The following PTPN11 variants were observed in gnomAD, a reference collection of about 807,000 sequenced individuals.
PTPN11 encodes the protein tyrosine-protein phosphatase non-receptor type 11.
PTPN11 carries 6 observed loss-of-function variants against 78.8 expected under a neutral mutation model. That is an observed-to-expected ratio of 0.08 (90% CI 0.04 to 0.15). The LOEUF (loss-of-function observed/expected upper bound fraction) is 0.15. Among genes scored for constraint, PTPN11 ranks in the 10% least tolerant of loss-of-function variants. The probability of loss-of-function intolerance (pLI) is 1.00; values close to 1 mark genes in which losing one functional copy is unlikely to be tolerated. For synonymous variants in PTPN11, 221 were observed against 263.5 expected (o/e 0.84, Z 1.56); for missense variants, 386 against 744.8 (o/e 0.52, Z 5.61).
At chr12:112,451,592 C>A (rs954463200) in intron 3 of PTPN11, among the ~76,000 whole-genome samples, 1 of 152,168 alleles carries the variant, frequency 6.6e-6, no homozygotes, top group African/African-American at 2.4e-5. Flanking sequence ...TTCAGACTTA[C>A]ATGTATTGAT....
Position 112,425,254 on chromosome 12 carries a change from G to A in PTPN11, c.14+6129G>A, listed in dbSNP as rs576197674. 1.6e-4 allele frequency among the ~76,000 whole-genome samples: 24 copies of A among 152,034 alleles called. No individual in the cohort carries two copies. In the South Asian group the frequency reaches 4.8e-3, roughly 30 times the overall value. ...AACTGAAATGTTCATCAGTGGGGGGGGCTAGTTAAATGAAATACAGTGTAG... is the reference window on the plus strand; with the variant it reads ...AACTGAAATGTTCATCAGTGGGGGGAGCTAGTTAAATGAAATACAGTGTAG... On this transcript the variant is annotated intron_variant, in intron 1 of 15. Coordinates refer to ENST00000351677, the MANE Select transcript of PTPN11 (RefSeq NM_002834.5).
At chr12:112,486,335 A>C (rs984810961) in intron 10 of PTPN11, 140 bp from the exon 11 acceptor site, 7 of 865,740 alleles carry the variant, frequency 8.1e-6, no homozygotes, top group Non-Finnish European at 7.5e-6. Context: ...AGTTCTGGGA[A>C]CCTCACGAAG....
chr12:112,433,306 G>A (rs111316183), intron 1 of PTPN11, among the ~76,000 whole-genome samples: 11 of 152,236 alleles, frequency 7.2e-5, no homozygotes, highest in African/African-American at 2.6e-4. Context: ...TGTAGCCTAG[G>A]AGCAATAGGT....
At chr12:112,463,635 G>T (rs781520140) in intron 6 of PTPN11, among the ~76,000 whole-genome samples, 1 of 152,100 alleles carries the variant, frequency 6.6e-6, no homozygotes, top group Non-Finnish European at 1.5e-5. Context: ...ATCTCAAATT[G>T]TGGTCATCTT....
At chr12:112,446,140 A>G in intron 1 of PTPN11, 136 bp from the exon 2 acceptor site, 1 of 1,066,760 alleles carries the variant, frequency 9.4e-7, no homozygotes. Flanking sequence ...AAGAGGGGGA[A>G]GGGACAGGGA....
At chr12:112,476,365 G>C (rs1283993715) in intron 7 of PTPN11, among the ~76,000 whole-genome samples, 3 of 152,150 alleles carry the variant, frequency 2.0e-5, no homozygotes, top group African/African-American at 7.2e-5. Context: ...TGCAAAATAT[G>C]TTGTTTAGGT....
intron 6 of PTPN11, among the ~76,000 whole-genome samples, chr12:112,459,319 A>T (rs952737000): frequency 2.6e-5 from 4 of 152,268 alleles, no homozygotes; most frequent in African/African-American, 9.6e-5. Context: ...AGAGAATGGG[A>T]TAGTTATAGC....
At chr12:112,472,633 C>T (rs778612769) in intron 6 of PTPN11, among the ~76,000 whole-genome samples, 14 of 151,746 alleles carry the variant, frequency 9.2e-5, no homozygotes, top group Admixed American at 2.0e-4. Flanking sequence ...CACCCTCCCA[C>T]GTAGCTGGGA....
chr12:112,452,933 A>G (rs1007681353), intron 3 of PTPN11, among the ~76,000 whole-genome samples: 1 of 152,204 alleles, frequency 6.6e-6, no homozygotes, highest in African/African-American at 2.4e-5. Flanking sequence ...TTAAAAAAAA[A>G]CAGGAAAGAT....
At position 112,498,106 on chromosome 12, in the gene PTPN11, T is replaced by C. The variant is rs1178520722; in HGVS notation, c.1600-4038T>C. The stretch of plus-strand genomic sequence containing the variant: ...AGGCAGAGATTGCAGTGAGCCGAGA[T>C]TGTGCCACTGCATTCCAGCCTGGGT... On this transcript the variant is annotated intron_variant, in intron 13 of 15. Transcript: ENST00000351677. 2.0e-5 allele frequency among the ~76,000 whole-genome samples: 3 copies of C among 151,988 alleles called. 1 individual carries two copies. In the South Asian group the frequency reaches 6.2e-4, roughly 32 times the overall value.
chr12:112,487,556 G>C (rs1480874255), intron 11 of PTPN11, among the ~76,000 whole-genome samples: 1 of 152,150 alleles, frequency 6.6e-6, no homozygotes, highest in East Asian at 1.9e-4. Flanking sequence ...CCTCTGTAAT[G>C]AGTCTGTGGG....
At chr12:112,439,337 AG>A (rs1287029472) in intron 1 of PTPN11, among the ~76,000 whole-genome samples, 1 of 152,036 alleles carries the variant, frequency 6.6e-6, no homozygotes, top group Non-Finnish European at 1.5e-5. Flanking sequence ...TCTTTTGCCG[AG>A]GCTGGAGTGG....
intron 1 of PTPN11, among the ~76,000 whole-genome samples, chr12:112,436,869 C>T (rs1414909301): frequency 1.3e-5 from 2 of 151,634 alleles, no homozygotes; most frequent in African/African-American, 4.9e-5. Flanking sequence ...GACTTCAGTC[C>T]TTGAGGTTTT....
At position 112,509,603 on chromosome 12, in the gene PTPN11, A is replaced by T. The variant is rs1363073071; in HGVS notation, c.*3811A>T. ...AAGGAATACGTTTTAGGATGTCATC[A>T]TTTTGATGTGAATCATGTAAATGTT... On this transcript the variant is annotated 3_prime_UTR_variant, in exon 16 of 16. Transcript: ENST00000351677. 6.6e-6 allele frequency: 1 copy of T among 152,648 alleles called. No individual in the cohort carries two copies. The highest frequency in any genetic ancestry group is 1.5e-5 in the Non-Finnish European group (1 of 68,046). The allele number at this position is 152,648 out of a possible 1,614,324, so 9.5% of individuals were successfully genotyped here.
intron 2 of PTPN11, among the ~76,000 whole-genome samples, chr12:112,449,771 G>A (rs1360290139): frequency 1.3e-5 from 2 of 151,824 alleles, no homozygotes; most frequent in Admixed American, 1.3e-4. Flanking sequence ...CAAAATAGAA[G>A]ATATACAAGG....
chr12:112,480,682 C>A (rs977632997), intron 9 of PTPN11, among the ~76,000 whole-genome samples: 2 of 152,132 alleles, frequency 1.3e-5, no homozygotes, highest in African/African-American at 4.8e-5. Flanking sequence ...TTTTATTGAA[C>A]GTTCCTCCTA....
intron 1 of PTPN11, among the ~76,000 whole-genome samples, chr12:112,426,481 T>C (rs906290170): frequency 5.3e-5 from 8 of 152,174 alleles, no homozygotes; most frequent in African/African-American, 1.9e-4. Context: ...GGTTTTGAAC[T>C]CCTGACTTCA....
intron 13 of PTPN11, among the ~76,000 whole-genome samples, chr12:112,501,017 G>A (rs1480838637): frequency 6.6e-6 from 1 of 152,146 alleles, no homozygotes; most frequent in African/African-American, 2.4e-5. Context: ...CAATTCTCCT[G>A]CCTCAGCCTC....
intron 1 of PTPN11, among the ~76,000 whole-genome samples, chr12:112,434,557 G>A (rs556431178): frequency 2.0e-5 from 3 of 151,092 alleles, no homozygotes; most frequent in South Asian, 4.2e-4. Context: ...GCAGTGAGCC[G>A]AGATCACGCC....
Sources: gnomAD v4.1 joint callset for allele counts (sites outside exome capture counted in the v4.1 genomes callset) on GRCh38, gnomAD v4.1.1 for gene constraint, MANE v1.5 for transcripts, NCBI Gene and HGNC (gene_info 2026-07-23, HGNC 2026-07-21) for gene names.